The following DENND1A variants were observed in gnomAD, a reference collection of about 807,000 sequenced individuals.
The protein encoded by DENND1A is DENN domain containing 1A.
Under a neutral mutation model 113.7 loss-of-function variants are expected in DENND1A, and 51 were observed. That is an observed-to-expected ratio of 0.45 (90% CI 0.36 to 0.57). The LOEUF is 0.57. Ranked by LOEUF, DENND1A falls within the 20% of genes least tolerant of loss-of-function variation. DENND1A has a pLI of 0.00. For synonymous variants in DENND1A, 565 were observed against 570.8 expected, an observed-to-expected ratio of 0.99 and a Z score of 0.14; for missense variants, 1,258 against 1,395.9, an observed-to-expected ratio of 0.90 and a Z score of 1.57.
intron 13 of DENND1A, among the ~76,000 whole-genome samples, chr9:123,503,071 T>G (rs2052626848): frequency 6.6e-6 from 1 of 152,110 alleles, no homozygotes; most frequent in Non-Finnish European, 1.5e-5. Context: ...GAGAGTACAT[T>G]AAATATCATT....
At chr9:123,449,317 A>T (rs2047532751) in intron 18 of DENND1A, among the ~76,000 whole-genome samples, 1 of 152,198 alleles carries the variant, frequency 6.6e-6, no homozygotes, top group Admixed American at 6.5e-5. Flanking sequence ...CAGGCGGATC[A>T]CGAGGTCAGG....
intron 2 of DENND1A, among the ~76,000 whole-genome samples, chr9:123,830,559 T>C (rs1840017792): frequency 6.6e-6 from 1 of 151,990 alleles, no homozygotes; most frequent in African/African-American, 2.4e-5. Flanking sequence ...GTGGAAAGTT[T>C]TCCCTTCAAA....
intron 5 of DENND1A, among the ~76,000 whole-genome samples, chr9:123,733,018 G>C (rs1261997102): frequency 2.6e-5 from 4 of 152,218 alleles, no homozygotes; most frequent in Non-Finnish European, 5.9e-5. Context: ...TTTTGCTCTT[G>C]TTGCCCAGGC....
chr9:123,493,010 C>T (rs1180504181), intron 13 of DENND1A: 1 of 152,212 alleles, frequency 6.6e-6, no homozygotes, highest in African/African-American at 2.4e-5. Context: ...CCTGAGGAAC[C>T]CCTGCTGAGG....
intron 1 of DENND1A, among the ~76,000 whole-genome samples, chr9:123,895,028 T>C (rs1448198456): frequency 1.3e-5 from 2 of 150,726 alleles, no homozygotes; most frequent in Non-Finnish European, 2.9e-5. Flanking sequence ...TCACCCTGAT[T>C]GAAACTCAGA....
chr9:123,588,633 A>AAG (rs1554894950), intron 11 of DENND1A, among the ~76,000 whole-genome samples: 312 of 86,372 alleles, frequency 3.6e-3, no homozygotes, highest in Middle Eastern at 0.013. Flanking sequence ...AAAAAAAAAA[A>AAG]GGGGGGGGGG....
chr9:123,683,795 G>T (rs1260482409), intron 5 of DENND1A, among the ~76,000 whole-genome samples: 1 of 152,162 alleles, frequency 6.6e-6, no homozygotes, highest in Non-Finnish European at 1.5e-5. Flanking sequence ...CCTGGCACAT[G>T]TGAGACATTC....
intron 10 of DENND1A, among the ~76,000 whole-genome samples, chr9:123,618,183 A>G (rs1411743043): frequency 6.6e-6 from 1 of 152,232 alleles, no homozygotes; most frequent in African/African-American, 2.4e-5. Flanking sequence ...TATCTCCAGA[A>G]GCCCTGCCAT....
At chr9:123,429,032 A>G (rs2045944654) in intron 19 of DENND1A, among the ~76,000 whole-genome samples, 1 of 152,236 alleles carries the variant, frequency 6.6e-6, no homozygotes, top group South Asian at 2.1e-4. Flanking sequence ...CAGCATTAGA[A>G]AAAACTATTT....
chr9:123,504,964 G>A (rs769967156), intron 13 of DENND1A, among the ~76,000 whole-genome samples: 13 of 152,154 alleles, frequency 8.5e-5, no homozygotes, highest in Non-Finnish European at 1.5e-4. Context: ...ACAAGAAAGC[G>A]GCGACAGCAT....
chr9:123,771,571 A>C (rs112875607), intron 3 of DENND1A, among the ~76,000 whole-genome samples: 1,635 of 152,290 alleles, frequency 0.011, 33 homozygotes, highest in African/African-American at 0.036. Flanking sequence ...TCTATGCTGG[A>C]GTTGTACTGG....
chr9:123,838,445 C>A (rs1430960960), intron 2 of DENND1A, among the ~76,000 whole-genome samples: 1 of 148,530 alleles, frequency 6.7e-6, no homozygotes, highest in South Asian at 2.1e-4. Context: ...ACGAGCTTTG[C>A]TCCATTTCAA....
chr9:123,767,008 C>G (rs963503145), intron 4 of DENND1A, among the ~76,000 whole-genome samples: 1 of 152,116 alleles, frequency 6.6e-6, no homozygotes, highest in African/African-American at 2.4e-5. Context: ...AACGCAATCA[C>G]CTGGGGCATT....
At chr9:123,832,177 A>T (rs1218652243) in intron 2 of DENND1A, among the ~76,000 whole-genome samples, 1 of 152,222 alleles carries the variant, frequency 6.6e-6, no homozygotes, top group Non-Finnish European at 1.5e-5. Context: ...GGTAAATTAT[A>T]ACACATAACC....
intron 1 of DENND1A, among the ~76,000 whole-genome samples, chr9:123,893,109 TAA>T (rs571378557): frequency 6.8e-6 from 1 of 146,704 alleles, no homozygotes; most frequent in Non-Finnish European, 1.5e-5. Context: ...TATATGTTTT[TAA>T]AAAAAAAAAA....
At chr9:123,480,571 G>C (rs2050252641) in intron 13 of DENND1A, among the ~76,000 whole-genome samples, 1 of 152,102 alleles carries the variant, frequency 6.6e-6, no homozygotes, top group Non-Finnish European at 1.5e-5. Context: ...CCATGCTCAG[G>C]TGCCATAGTT....
chr9:123,830,873 GAAAA>G lies in DENND1A; in HGVS notation c.89-38247_89-38244del, dbSNP rs71390447. Among the ~76,000 whole-genome samples the G allele has an allele frequency of 9.0e-3, 352 of 39,322 alleles. 1 individual carries two copies. Among genetic ancestry groups the G allele is most frequent in the African/African-American group, 0.028 (310 of 11,272 alleles). The allele number at this position is 39,322 out of a possible 152,430, so 25.8% of individuals were successfully genotyped here. On this transcript the variant is annotated intron_variant, in intron 2 of 23. Transcript: ENST00000394215. ...AAGAGTGAAATTTCATCTCAAAAAT[GAAAA>G]AAAAAAAAAAAAAAAAAAAAAAACC...
chr9:123,709,901 G>A (rs534985337), intron 5 of DENND1A, among the ~76,000 whole-genome samples: 2 of 152,252 alleles, frequency 1.3e-5, no homozygotes, highest in African/African-American at 2.4e-5. Context: ...ATATTGGTTC[G>A]GCAACCACTG....
chr9:123,701,891 T>C (rs138739559), intron 5 of DENND1A, among the ~76,000 whole-genome samples: 43 of 152,320 alleles, frequency 2.8e-4, no homozygotes, highest in African/African-American at 9.1e-4. Flanking sequence ...ACTTCTTCAA[T>C]GTACAGAAGG....
Sources: gnomAD v4.1 joint callset for allele counts (sites outside exome capture counted in the v4.1 genomes callset) on GRCh38, gnomAD v4.1.1 for gene constraint, MANE v1.5 for transcripts, NCBI Gene and HGNC (gene_info 2026-07-23, HGNC 2026-07-21) for gene names.